OTUD6B: variants seen among roughly 807,000 people sequenced by gnomAD.
OTUD6B encodes OTU deubiquitinase 6B.
A neutral mutation model predicts 36.9 loss-of-function variants in OTUD6B; 41 were observed. The ratio of observed to expected loss-of-function variants is 1.11; its 90% CI spans 0.87 to 1.44. The LOEUF (loss-of-function observed/expected upper bound fraction) is 1.44. Among genes scored for constraint, OTUD6B ranks in the 40% most tolerant of loss-of-function variants. The pLI is 0.00. For missense variants in OTUD6B, 356 were observed against 344.8 expected (o/e 1.03, Z -0.26); for synonymous variants, 114 against 114.2 (o/e 1.00, Z 0.01).
At chr8:91,079,413 G>T (rs1464793921) in intron 4 of OTUD6B, among the ~76,000 whole-genome samples, 1 of 152,050 alleles carries the variant, frequency 6.6e-6, no homozygotes. Flanking sequence ...CTCCATGGAG[G>T]AAAGGTAGAG....
At chr8:91,079,195 A>G (rs1812855354) in intron 4 of OTUD6B, 1 of 152,138 alleles carries the variant, frequency 6.6e-6, no homozygotes, top group African/African-American at 2.4e-5. Context: ...ATTTATGAGG[A>G]AGTAAAAAAG....
chr8:91,073,760 AT>A, intron 2 of OTUD6B, 70 bp from the exon 3 acceptor site: 1 of 1,456,216 alleles, frequency 6.9e-7, no homozygotes, highest in Non-Finnish European at 9.2e-7. Context: ...GAAATGTGGG[AT>A]TAGATATATT....
chr8:91,077,235 T>TACAC (rs112224127), intron 3 of OTUD6B, among the ~76,000 whole-genome samples: 9 of 151,582 alleles, frequency 5.9e-5, no homozygotes, highest in African/African-American at 1.9e-4. Flanking sequence ...CATACAGACA[T>TACAC]ACACACACAT....
Position 91,086,545 on chromosome 8 carries a change from G to A in OTUD6B, c.*1677G>A, listed in dbSNP as rs891335948. The A allele has an allele frequency of 6.6e-6, 1 of 151,910 alleles. No homozygotes were observed. The highest frequency in any genetic ancestry group is 1.9e-4 in the East Asian group (1 of 5,192). The allele number at this position is 151,910 out of a possible 1,614,324, so 9.4% of individuals were successfully genotyped here. A position where few individuals can be genotyped will look rare whatever the true frequency, so the allele number is the denominator to read the frequency against. ...CTGTTACTTTAAAATGTCAACATTA[G>A]GAAGCCATAAAACAAGATATTATGA... is the stretch of plus-strand genomic sequence containing the variant. On this transcript the variant is annotated 3_prime_UTR_variant, in exon 7 of 7. Coordinates refer to ENST00000404789, the MANE Select transcript of OTUD6B (RefSeq NM_016023.5).
intron 4 of OTUD6B, among the ~76,000 whole-genome samples, chr8:91,080,084 T>C (rs1812872733): frequency 6.6e-6 from 1 of 152,162 alleles, no homozygotes; most frequent in Non-Finnish European, 1.5e-5. Flanking sequence ...CTTTTATTTC[T>C]CAGGGCTGAT....
Position 91,079,894 on chromosome 8 carries a change from G to A in OTUD6B, c.629-775G>A, listed in dbSNP as rs192802786. On this transcript the variant is annotated intron_variant, in intron 4 of 6. Transcript: ENST00000404789. The stretch of plus-strand genomic sequence containing the variant: ...TGTGCCAAGCACTACTCTAGGCACT[G>A]TTCTGAACGCTGAGGATTTAACAGG... Among the ~76,000 whole-genome samples, 276 of 152,236 alleles carry A rather than the reference G, an allele frequency of 1.8e-3. 1 individual carries two copies. Among genetic ancestry groups the A allele is most frequent in the Middle Eastern group, 0.014 (4 of 294 alleles).
In OTUD6B at chr8:91,085,574, A is replaced by T. The variant is rs75593631; in HGVS notation, c.*706A>T. On this transcript the variant is annotated 3_prime_UTR_variant, in exon 7 of 7. Transcript: ENST00000404789. ...TTAGTTTTTTATTTGTGTATAATTT[A>T]AAAAAGACCTAATAGGTTACTGTCT... is the stretch of plus-strand genomic sequence containing the variant. The T allele has an allele frequency of 7.9e-5, 12 of 152,200 alleles. No individual in the cohort carries two copies. Among genetic ancestry groups the T allele is most frequent in the African/African-American group, 2.6e-4 (11 of 41,560 alleles). 9.4% of individuals were successfully genotyped at this position (152,200 alleles called of 1,614,324 possible). A position where few individuals can be genotyped will look rare whatever the true frequency, so the allele number is the denominator to read the frequency against.
Position 91,084,966 on chromosome 8 carries a change from C to T in OTUD6B, c.*98C>T, listed in dbSNP as rs1812985146. On this transcript the variant is annotated 3_prime_UTR_variant, in exon 7 of 7. Transcript: ENST00000404789. ...TTCTAAATGCTACTGAAAAACACAA[C>T]TACCTTATATCAGTTTTATGGCAAA... 1 of 493,038 alleles carries T rather than the reference C, an allele frequency of 2.0e-6. No individual in the cohort carries two copies. Among genetic ancestry groups the T allele is most frequent in the African/African-American group, 2.0e-5 (1 of 49,192 alleles). The allele number at this position is 493,038 out of a possible 1,614,324, so 30.5% of individuals were successfully genotyped here.
intron 3 of OTUD6B, chr8:91,076,810 T>C: frequency 2.9e-6 from 2 of 701,486 alleles, no homozygotes; most frequent in South Asian, 1.5e-5. Flanking sequence ...TTTAAGATAT[T>C]ATGCCTCTGT....
chr8:91,077,131 A>G (rs993685069), intron 3 of OTUD6B, among the ~76,000 whole-genome samples: 1 of 152,104 alleles, frequency 6.6e-6, no homozygotes, highest in Non-Finnish European at 1.5e-5. Context: ...GTCAAAATTT[A>G]TATAACTTAG....
chr8:91,071,278 A>G lies in OTUD6B; in HGVS notation c.223A>G (p.Lys75Glu), dbSNP rs1353425282. The change falls in exon 2 of 7, where the codon AAG becomes GAG. Residue 75 changes from lysine (K) to glutamate (E), a missense_variant. Coordinates refer to ENST00000404789, the MANE Select transcript of OTUD6B (RefSeq NM_016023.5). ...EELEQLKLTTKENKIDSVAVN... is the reference protein window; with the variant it reads ...EELEQLKLTTEENKIDSVAVN... Reference sequence around the variant, plus strand: ...ACTGGAGCAATTGAAGCTGACTACTAAGGAGAATAAGGTATGTGAAATAAA... The same window carrying G: ...ACTGGAGCAATTGAAGCTGACTACTGAGGAGAATAAGGTATGTGAAATAAA... 5 of 1,610,916 alleles carry G rather than the reference A, an allele frequency of 3.1e-6. No individual in the cohort carries two copies. Among genetic ancestry groups the G allele is most frequent in the Admixed American group, 3.4e-5 (2 of 59,240 alleles).
intron 3 of OTUD6B, among the ~76,000 whole-genome samples, chr8:91,074,770 A>G (rs913046888): frequency 4.6e-5 from 7 of 152,230 alleles, no homozygotes; most frequent in Non-Finnish European, 8.8e-5. Context: ...TTCATTTTGC[A>G]TCTTATGACA....
intron 5 of OTUD6B, among the ~76,000 whole-genome samples, chr8:91,083,403 A>G (rs13270682): frequency 0.052 from 7,927 of 152,228 alleles, 282 homozygotes; most frequent in Middle Eastern, 0.16. Flanking sequence ...TAGTCTACCC[A>G]TTGCCCCTCT....
At chr8:91,070,540 G>A in intron 1 of OTUD6B, 74 bp downstream of exon 1, 1 of 1,396,232 alleles carries the variant, frequency 7.2e-7, no homozygotes, top group Non-Finnish European at 9.9e-7. Context: ...CGATTCTGGG[G>A]AATCTCAAGG....
In OTUD6B at chr8:91,086,175, C is replaced by T. The variant is rs904122010; in HGVS notation, c.*1307C>T. 1 of 151,960 alleles carries T rather than the reference C, an allele frequency of 6.6e-6. No individual in the cohort carries two copies. The highest frequency in any genetic ancestry group is 2.4e-5 in the African/African-American group (1 of 41,390). 9.4% of individuals were successfully genotyped at this position (151,960 alleles called of 1,614,324 possible). On this transcript the variant is annotated 3_prime_UTR_variant, in exon 7 of 7. Coordinates refer to ENST00000404789, the MANE Select transcript of OTUD6B (RefSeq NM_016023.5). ...TGTGTTTCCCAAACTAGAGATAAAA[C>T]TAGTAAGATTTAGTATCGTTTATAA...
chr8:91,075,843 A>T (rs1454429464), intron 3 of OTUD6B, among the ~76,000 whole-genome samples: 3 of 152,154 alleles, frequency 2.0e-5, no homozygotes, highest in African/African-American at 7.2e-5. Flanking sequence ...AATGATGTTT[A>T]TCTTTGGGAA....
Position 91,085,050 on chromosome 8 carries a change from A to G in OTUD6B, c.*182A>G. On this transcript the variant is annotated 3_prime_UTR_variant, in exon 7 of 7. Transcript: ENST00000404789. The stretch of plus-strand genomic sequence containing the variant: ...GATAAACTTTAACCAGTGTCTTCTT[A>G]GTGGAATTTTAAAAATTTGTTAAGT... 1 of 348,272 alleles carries G rather than the reference A, an allele frequency of 2.9e-6. No individual in the cohort carries two copies. The highest frequency in any genetic ancestry group is 4.7e-5 in the East Asian group (1 of 21,398). The allele number at this position is 348,272 out of a possible 1,614,324, so 21.6% of individuals were successfully genotyped here. A position where few individuals can be genotyped will look rare whatever the true frequency, so the allele number is the denominator to read the frequency against.
At chr8:91,079,381 C>T (rs1021421063) in intron 4 of OTUD6B, among the ~76,000 whole-genome samples, 1 of 152,026 alleles carries the variant, frequency 6.6e-6, no homozygotes, top group South Asian at 2.1e-4. Flanking sequence ...TTAAAATTGA[C>T]TTTCCTTTAG....
intron 4 of OTUD6B, chr8:91,080,457 A>G (rs1328874462): frequency 1.9e-6 from 1 of 522,458 alleles, no homozygotes; most frequent in Non-Finnish European, 2.5e-6. Flanking sequence ...GCAGAAATGG[A>G]CTGCTTTGTT....
Sources: gnomAD v4.1 joint callset for allele counts (sites outside exome capture counted in the v4.1 genomes callset) on GRCh38, gnomAD v4.1.1 for gene constraint, MANE v1.5 for transcripts, NCBI Gene and HGNC (gene_info 2026-07-23, HGNC 2026-07-21) for gene names.